Variants in CARNMT1 observed in about 807,000 individuals in gnomAD.
CARNMT1 encodes carnosine N-methyltransferase 1.
CARNMT1 carries 28 observed loss-of-function variants against 49.6 expected under a neutral mutation model. The ratio of observed to expected loss-of-function variants is 0.56; its 90% CI spans 0.42 to 0.77. The LOEUF is 0.77. Ranked by LOEUF, CARNMT1 falls within the 30% of genes least tolerant of loss-of-function variation. The pLI is 0.00. For missense variants in CARNMT1, 421 were observed against 512.6 expected (o/e 0.82, Z 1.73); for synonymous variants, 178 against 175.0 (o/e 1.02, Z -0.13).
intron 3 of CARNMT1, among the ~76,000 whole-genome samples, chr9:75,007,455 G>A (rs1315408573): frequency 1.3e-5 from 2 of 152,034 alleles, no homozygotes; most frequent in Admixed American, 6.6e-5. Context: ...TTGGCTGGGC[G>A]TGGTGGCTCA....
At chr9:74,991,893 A>G (rs1278770894) in intron 6 of CARNMT1, among the ~76,000 whole-genome samples, 1 of 152,086 alleles carries the variant, frequency 6.6e-6, no homozygotes, top group Non-Finnish European at 1.5e-5. Flanking sequence ...CATGTGTTTT[A>G]TATCTTTTTA....
chr9:75,002,077 A>G (rs530749618), intron 3 of CARNMT1, among the ~76,000 whole-genome samples: 4 of 152,294 alleles, frequency 2.6e-5, no homozygotes, highest in Non-Finnish European at 5.9e-5. Context: ...GACCTCCCTA[A>G]TAACAGGAGG....
intron 1 of CARNMT1, among the ~76,000 whole-genome samples, chr9:75,018,287 C>T (rs1833908984): frequency 6.6e-6 from 1 of 152,112 alleles, no homozygotes; most frequent in African/African-American, 2.4e-5. Flanking sequence ...TGGTCTCAAA[C>T]TCCGGGGCTC....
At chr9:74,983,897 ATGACAG>A in intron 7 of CARNMT1, 29 bp from the exon 8 acceptor site, 1 of 1,498,620 alleles carries the variant, frequency 6.7e-7, no homozygotes, top group Non-Finnish European at 9.1e-7. Flanking sequence ...TCATAATACT[ATGACAG>A]TCATCATGAC....
chr9:75,027,971 G>A, intron 1 of CARNMT1, 41 bp downstream of exon 1: 1 of 1,517,282 alleles, frequency 6.6e-7, no homozygotes, highest in Non-Finnish European at 8.8e-7. Flanking sequence ...ACCAGTGGGC[G>A]CCCCGACGGT....
chr9:74,985,033 A>G, intron 6 of CARNMT1, 23 bp from the exon 7 acceptor site: 1 of 1,514,296 alleles, frequency 6.6e-7, no homozygotes, highest in Admixed American at 1.7e-5. Flanking sequence ...GATACTATGA[A>G]TTACTTGAAT....
Position 74,981,848 on chromosome 9 carries a change from G to A in CARNMT1, c.*1919C>T, listed in dbSNP as rs571907154. 2 of 151,846 alleles carry A rather than the reference G, an allele frequency of 1.3e-5. No homozygotes were observed. Among genetic ancestry groups the A allele is most frequent in the South Asian group, 2.1e-4 (1 of 4,814 alleles). The allele number at this position is 151,846 out of a possible 1,614,324, so 9.4% of individuals were successfully genotyped here. On this transcript the variant is annotated 3_prime_UTR_variant, in exon 8 of 8. Transcript: ENST00000376834. ...AAACAGCATGCATTCCTTTCTGTTC[G>A]ATTGATTTTTAAAAAATACTTATGT...
At position 74,992,516 on chromosome 9, in the gene CARNMT1, G is replaced by T. The variant is rs75769433; in HGVS notation, c.1024+3931C>A. On this transcript the variant is annotated intron_variant, in intron 6 of 7. Coordinates refer to ENST00000376834, the MANE Select transcript of CARNMT1 (RefSeq NM_152420.3). ...ATACACACACACTTTCTTTTTAGAA[G>T]AAATTATAAATAAATGTGTTTAAGG... Among the ~76,000 whole-genome samples the T allele has an allele frequency of 9.0e-3, 1,375 of 152,168 alleles. 17 individuals are homozygous for T. Among genetic ancestry groups the T allele is most frequent in the Non-Finnish European group, 0.01 (698 of 67,988 alleles).
Position 74,983,625 on chromosome 9 carries a change from A to C in CARNMT1, c.*142T>G. 1 of 510,306 alleles carries C rather than the reference A, an allele frequency of 2.0e-6. No individual in the cohort carries two copies. The highest frequency in any genetic ancestry group is 3.6e-6 in the Non-Finnish European group (1 of 280,028). The allele number at this position is 510,306 out of a possible 1,614,324, so 31.6% of individuals were successfully genotyped here. ...CAATAGACATATTAAGAAAATAGACACTATTTCTAAATTTCGTTAGGAATA... is the reference window on the plus strand; with the variant it reads ...CAATAGACATATTAAGAAAATAGACCCTATTTCTAAATTTCGTTAGGAATA... On this transcript the variant is annotated 3_prime_UTR_variant, in exon 8 of 8. Transcript: ENST00000376834.
intron 1 of CARNMT1, among the ~76,000 whole-genome samples, chr9:75,020,995 G>C (rs902110801): frequency 1.3e-5 from 2 of 152,072 alleles, no homozygotes; most frequent in Admixed American, 6.6e-5. Context: ...CAATGATGAT[G>C]ATCATGGAAG....
chr9:75,027,105 C>A (rs1406085371), intron 1 of CARNMT1: 1 of 1,304,322 alleles, frequency 7.7e-7, no homozygotes, highest in South Asian at 1.2e-5. Flanking sequence ...AGAACATAGT[C>A]ACCGGTGGAC....
intron 1 of CARNMT1, among the ~76,000 whole-genome samples, chr9:75,025,982 G>C (rs1822516664): frequency 6.6e-6 from 1 of 152,082 alleles, no homozygotes; most frequent in African/African-American, 2.4e-5. Flanking sequence ...TTTAAGTCTA[G>C]AAGATCACAA....
chr9:74,994,778 A>G (rs536462003), intron 6 of CARNMT1, among the ~76,000 whole-genome samples: 6 of 152,258 alleles, frequency 3.9e-5, no homozygotes, highest in Admixed American at 6.5e-5. Context: ...AATACTTTAT[A>G]AAGTACTAAC....
At chr9:75,006,567 T>G (rs1833517527) in intron 3 of CARNMT1, among the ~76,000 whole-genome samples, 1 of 152,198 alleles carries the variant, frequency 6.6e-6, no homozygotes, top group South Asian at 2.1e-4. Context: ...ATATTACATT[T>G]CAGTGTACTT....
chr9:75,011,767 CTG>C (rs1833697106), intron 3 of CARNMT1, among the ~76,000 whole-genome samples: 1 of 152,156 alleles, frequency 6.6e-6, no homozygotes, highest in Non-Finnish European at 1.5e-5. Flanking sequence ...AGACAAGGAA[CTG>C]TGGGTTGCCT....
chr9:75,006,972 G>GT (rs1227181166), intron 3 of CARNMT1, among the ~76,000 whole-genome samples: 1 of 152,080 alleles, frequency 6.6e-6, no homozygotes, highest in African/African-American at 2.4e-5. Context: ...TAATCACTGA[G>GT]TATAAACAAA....
chr9:74,989,728 C>A (rs1223346080), intron 6 of CARNMT1, among the ~76,000 whole-genome samples: 1 of 152,060 alleles, frequency 6.6e-6, no homozygotes, highest in Non-Finnish European at 1.5e-5. Context: ...ACACTTCAAC[C>A]CAGGCCTTAA....
rs182318452 is a variant in CARNMT1, at chr9:75,005,531, G to C, written c.591-5661C>G. Among the ~76,000 whole-genome samples, 1,248 of 150,010 alleles carry C rather than the reference G, an allele frequency of 8.3e-3. 52 individuals carry two copies. Among genetic ancestry groups the C allele is most frequent in the Admixed American group, 0.067 (1,011 of 15,004 alleles). ...GCTGTCACCCAGGCTGGAGTGCAGT[G>C]GCGCAATCTCGGCTCACTGCAAGCT... is the stretch of plus-strand genomic sequence containing the variant. On this transcript the variant is annotated intron_variant, in intron 3 of 7. Coordinates refer to ENST00000376834, the MANE Select transcript of CARNMT1 (RefSeq NM_152420.3).
In CARNMT1 at chr9:75,023,838, GA is replaced by G. The variant is rs560025261; in HGVS notation, c.230+4173del. 5.7e-3 allele frequency among the ~76,000 whole-genome samples: 861 copies of G among 152,306 alleles called. 3 individuals are homozygous for G. The highest frequency in any genetic ancestry group is 8.7e-3 in the Non-Finnish European group (592 of 68,034). The stretch of plus-strand genomic sequence containing the variant: ...GTAACAAGAGACCACTTGGCCTTCA[GA>G]GCTTAAAATATTTACTGCCTGGCCC... On this transcript the variant is annotated intron_variant, in intron 1 of 7. Transcript: ENST00000376834.
Sources: allele counts gnomAD v4.1 joint callset (sites outside exome capture counted in the v4.1 genomes callset), GRCh38; gene constraint gnomAD v4.1.1; transcripts MANE v1.5; gene names NCBI Gene and HGNC (gene_info 2026-07-23, HGNC 2026-07-21).